ART3: variants seen among roughly 807,000 people sequenced by gnomAD.
ART3 encodes the protein ecto-ADP-ribosyltransferase 3.
Under a neutral mutation model 48.5 loss-of-function variants are expected in ART3, and 49 were observed. The observed-to-expected ratio is 1.01, with a 90% confidence interval of 0.80 to 1.28. The LOEUF (loss-of-function observed/expected upper bound fraction) is 1.28, where lower values mean the gene tolerates loss of function less well. Ranked by LOEUF, ART3 falls within the 50% of genes most tolerant of loss-of-function variation. The pLI is 0.00. For missense variants in ART3, 438 were observed against 454.3 expected, an observed-to-expected ratio of 0.96 and a Z score of 0.33; for synonymous variants, 145 against 157.2, an observed-to-expected ratio of 0.92 and a Z score of 0.58.
At chr4:76,066,518 C>T (rs996760450) in intron 1 of ART3, among the ~76,000 whole-genome samples, 2 of 152,126 alleles carry the variant, frequency 1.3e-5, no homozygotes, top group African/African-American at 4.8e-5. Context: ...GCAGTCTCTG[C>T]AGATCTCTGA....
intron 1 of ART3, chr4:76,035,487 G>A: frequency 1.4e-6 from 1 of 722,548 alleles, no homozygotes; most frequent in Non-Finnish European, 2.2e-6. Context: ...ACTGTTACTG[G>A]GAAAAGTTAA....
At chr4:76,023,270 T>A in intron 1 of ART3, 1 of 869,894 alleles carries the variant, frequency 1.1e-6, no homozygotes, top group South Asian at 1.4e-5. Context: ...TTTATAAGCA[T>A]GCAGTGAAAC....
At chr4:76,036,037 GC>G (rs1185380307) in intron 1 of ART3, 1 of 1,562,886 alleles carries the variant, frequency 6.4e-7, no homozygotes, top group Non-Finnish European at 8.8e-7. Context: ...CTTCAGCTTT[GC>G]TGCTCTTCTT....
intron 6 of ART3, among the ~76,000 whole-genome samples, 156 bp downstream of exon 6, chr4:76,100,476 C>CA (rs1727038700): frequency 6.6e-6 from 1 of 151,690 alleles, no homozygotes; most frequent in Admixed American, 6.6e-5. Flanking sequence ...ACTAAAAATA[C>CA]AAAAATTAGC....
intron 1 of ART3, chr4:76,022,487 A>C (rs530928514): frequency 1.0e-4 from 162 of 1,592,310 alleles, no homozygotes; most frequent in Non-Finnish European, 1.3e-4. Context: ...AAAATATTTA[A>C]AACTGTGTTG....
At chr4:76,022,530 A>G (rs1459955397) in intron 1 of ART3, 6 of 1,503,138 alleles carry the variant, frequency 4.0e-6, no homozygotes, top group Non-Finnish European at 5.5e-6. Context: ...CGCAGTTCTG[A>G]AGTCAGACAT....
chr4:76,089,263 C>G (rs543732415), intron 3 of ART3, among the ~76,000 whole-genome samples: 1 of 152,220 alleles, frequency 6.6e-6, no homozygotes, highest in African/African-American at 2.4e-5. Flanking sequence ...AAAGACCTAC[C>G]TTGCAAATGA....
At chr4:76,101,406 C>T (rs1364520340) in intron 8 of ART3, among the ~76,000 whole-genome samples, 1 of 152,184 alleles carries the variant, frequency 6.6e-6, no homozygotes, top group Non-Finnish European at 1.5e-5. Context: ...TTAGCTATAT[C>T]CATTTGATTA....
intron 1 of ART3, among the ~76,000 whole-genome samples, chr4:76,032,689 A>G (rs1733985769): frequency 6.7e-6 from 1 of 150,062 alleles, no homozygotes; most frequent in African/African-American, 2.5e-5. Flanking sequence ...GGTTCAAGCG[A>G]TTCTCCTGCC....
chr4:76,072,483 A>T (rs569833396), upstream of ART3, among the ~76,000 whole-genome samples: 1 of 151,776 alleles, frequency 6.6e-6, no homozygotes, highest in Admixed American at 6.6e-5. Context: ...ACACACATCT[A>T]CTTCTCATTA....
chr4:76,021,834 G>T (rs578163076), intron 1 of ART3: 2 of 1,199,594 alleles, frequency 1.7e-6, no homozygotes, highest in Admixed American at 1.7e-5. Context: ...AACAATTATG[G>T]CTTGACATAT....
chr4:76,022,215 C>G, intron 1 of ART3: 1 of 702,224 alleles, frequency 1.4e-6, no homozygotes, highest in Non-Finnish European at 2.5e-6. Context: ...GATGGTGCCT[C>G]AGCATTTAAA....
chr4:76,022,070 C>A, intron 1 of ART3: 1 of 972,348 alleles, frequency 1.0e-6, no homozygotes, highest in Non-Finnish European at 1.7e-6. Context: ...GCTATGCATT[C>A]ATTATGGATT....
chr4:76,094,126 T>A (rs879748099), intron 3 of ART3, among the ~76,000 whole-genome samples: 36 of 152,208 alleles, frequency 2.4e-4, no homozygotes, highest in Admixed American at 2.4e-3. Flanking sequence ...AGAAAGCCTT[T>A]ACCAGAAATT....
At chr4:76,019,247 G>A (rs1228776405) in intron 1 of ART3, among the ~76,000 whole-genome samples, 1 of 151,618 alleles carries the variant, frequency 6.6e-6, no homozygotes, top group Non-Finnish European at 1.5e-5. Context: ...GAGAATAAAA[G>A]CAGTACTATT....
intron 3 of ART3, among the ~76,000 whole-genome samples, chr4:76,083,977 G>A (rs1005025993): frequency 1.3e-5 from 2 of 152,152 alleles, no homozygotes; most frequent in African/African-American, 4.8e-5. Flanking sequence ...AGTAAAGACA[G>A]GTCATAGCTC....
At chr4:76,070,441 G>A (rs564039834), upstream of ART3, among the ~76,000 whole-genome samples, 8 of 152,152 alleles carry the variant, frequency 5.3e-5, no homozygotes, top group South Asian at 8.3e-4. Flanking sequence ...GTTGAACATC[G>A]TTTTCTACTT....
At chr4:76,054,204 T>C (rs1027713959) in intron 1 of ART3, among the ~76,000 whole-genome samples, 1 of 152,200 alleles carries the variant, frequency 6.6e-6, no homozygotes, top group Admixed American at 6.5e-5. Flanking sequence ...GGAAAGAGAA[T>C]AAATGCACAA....
chr4:76,031,387 A>C (rs945533813), intron 1 of ART3, among the ~76,000 whole-genome samples: 49 of 152,218 alleles, frequency 3.2e-4, no homozygotes, highest in African/African-American at 1.1e-3. Context: ...AGATGATATG[A>C]GAATGCCTTG....
Sources: allele counts gnomAD v4.1 joint callset (sites outside exome capture counted in the v4.1 genomes callset), GRCh38; gene constraint gnomAD v4.1.1; transcripts MANE v1.5; gene names NCBI Gene and HGNC (gene_info 2026-07-23, HGNC 2026-07-21).